Variants in MICU3 observed in about 807,000 individuals in gnomAD.
The protein encoded by MICU3 is mitochondrial calcium uptake 3.
In MICU3, 62 loss-of-function variants were observed where a neutral mutation model predicts 66.5. That is an observed-to-expected ratio of 0.93 (90% CI 0.76 to 1.15). The LOEUF is 1.15. MICU3 is among the 50% of genes most tolerant of loss of function. The pLI is 0.00. For missense variants in MICU3, 779 were observed against 664.4 expected (o/e 1.17, Z -1.90); for synonymous variants, 308 against 240.7 (o/e 1.28, Z -2.59).
intron 8 of MICU3, among the ~76,000 whole-genome samples, chr8:17,094,507 C>G (rs910496633): frequency 1.3e-5 from 2 of 151,950 alleles, no homozygotes; most frequent in African/African-American, 4.8e-5. Flanking sequence ...TTTTGCAGAT[C>G]TCTTTAATGT....
At chr8:17,108,276 C>G (rs1372713732) in intron 11 of MICU3, among the ~76,000 whole-genome samples, 1 of 152,088 alleles carries the variant, frequency 6.6e-6, no homozygotes, top group Non-Finnish European at 1.5e-5. Context: ...ATATGTGAAT[C>G]TAGCGGTCAA....
chr8:17,135,075 C>T, the MICU3 span, among the ~76,000 whole-genome samples: 1 of 152,106 alleles, frequency 6.6e-6, no homozygotes, highest in Non-Finnish European at 1.5e-5. Context: ...TATGGTCTTT[C>T]CTATAATATG....
At chr8:17,065,943 G>A (rs558522663) in intron 2 of MICU3, among the ~76,000 whole-genome samples, 9 of 152,110 alleles carry the variant, frequency 5.9e-5, no homozygotes, top group East Asian at 1.9e-4. Context: ...TGAGAGTAAC[G>A]TTTAAAGAAA....
chr8:17,082,911 A>G (rs146447464), intron 5 of MICU3, among the ~76,000 whole-genome samples: 119 of 152,218 alleles, frequency 7.8e-4, no homozygotes, highest in African/African-American at 2.7e-3. Context: ...TTCAAAAAAT[A>G]TTTTTTTCTC....
chr8:17,086,650 C>A (rs1799505055), intron 6 of MICU3, among the ~76,000 whole-genome samples: 1 of 152,034 alleles, frequency 6.6e-6, no homozygotes, highest in African/African-American at 2.4e-5. Flanking sequence ...AAGTTCCATC[C>A]CCCTGACTTA....
intron 1 of MICU3, among the ~76,000 whole-genome samples, chr8:17,039,300 T>C (rs1238246731): frequency 6.6e-6 from 1 of 152,246 alleles, no homozygotes; most frequent in African/African-American, 2.4e-5. Flanking sequence ...GGTGTGGAAC[T>C]GAACCTTCAG....
Position 17,027,375 on chromosome 8 carries a change from G to A in MICU3, c.96G>A (p.Ala32=), listed in dbSNP as rs1159948700. 2.0e-6 allele frequency: 3 copies of A among 1,491,892 alleles called. No homozygotes were observed. The Admixed American group carries it at 7.0e-5, about 35-fold the overall frequency. 92.4% of individuals were successfully genotyped at this position (1,491,892 alleles called of 1,614,324 possible). A position where few individuals can be genotyped will look rare whatever the true frequency, so the allele number is the denominator to read the frequency against. ...QPLLGPWGRP[A]VTTLGLPGRP... ...TCCTTGGGCCGTGGGGGCGGCCTGCGGTGACCACCCTGGGCCTTCCTGGCC... is the reference window on the plus strand; with the variant it reads ...TCCTTGGGCCGTGGGGGCGGCCTGCAGTGACCACCCTGGGCCTTCCTGGCC... Residue 32 remains alanine (A), a synonymous_variant, in exon 1 of 15, where the codon GCG becomes GCA. Transcript: ENST00000318063.
intron 1 of MICU3, among the ~76,000 whole-genome samples, chr8:17,057,479 A>T (rs1230382853): frequency 1.3e-5 from 2 of 152,224 alleles, no homozygotes; most frequent in Non-Finnish European, 2.9e-5. Context: ...AGTATTAATT[A>T]TATTTAATCT....
Position 17,027,570 on chromosome 8 carries a change from G to C in MICU3, c.291G>C (p.Gly97=), listed in dbSNP as rs1479469212. ...GDPRAGSPAT[G]RPSKSAATEP... ...CCAGGGCCGGCTCGCCGGCGACCGG[G>C]CGACCCTCAAAGAGCGCGGCCACGG... Residue 97 remains glycine, a synonymous_variant, in exon 1 of 15, where the codon GGG becomes GGC. Coordinates refer to ENST00000318063, the MANE Select transcript of MICU3 (RefSeq NM_181723.3). The C allele has an allele frequency of 7.8e-7, 1 of 1,281,868 alleles. No individual in the cohort carries two copies. The highest frequency in any genetic ancestry group is 9.8e-7 in the Non-Finnish European group (1 of 1,016,936). 79.4% of individuals were successfully genotyped at this position (1,281,868 alleles called of 1,614,324 possible).
chr8:17,041,271 T>C (rs1211567109), intron 1 of MICU3, among the ~76,000 whole-genome samples: 1 of 135,476 alleles, frequency 7.4e-6, no homozygotes, highest in Non-Finnish European at 1.6e-5. Flanking sequence ...CAAGACAGGT[T>C]AAAAAAAAAA....
At chr8:17,048,702 A>C (rs1319964371) in intron 1 of MICU3, among the ~76,000 whole-genome samples, 1 of 151,976 alleles carries the variant, frequency 6.6e-6, no homozygotes, top group Non-Finnish European at 1.5e-5. Context: ...TGCAGCCCCA[A>C]CCTCCTGGGC....
downstream of MICU3, among the ~76,000 whole-genome samples, chr8:17,123,526 T>G (rs1803318879): frequency 6.6e-6 from 1 of 152,176 alleles, no homozygotes; most frequent in East Asian, 1.9e-4. Flanking sequence ...ACCTTGCACA[T>G]TGAAAGGATA....
chr8:17,064,742 A>G (rs1818423783), intron 2 of MICU3, among the ~76,000 whole-genome samples: 1 of 152,230 alleles, frequency 6.6e-6, no homozygotes, highest in African/African-American at 2.4e-5. Context: ...AGACAGCTGT[A>G]TTCTCATGTG....
At chr8:17,049,524 A>C (rs922797009) in intron 1 of MICU3, 15 of 500,846 alleles carry the variant, frequency 3.0e-5, no homozygotes, top group Non-Finnish European at 5.2e-5. Context: ...TTATTTGTCC[A>C]TTTTATAGTT....
At chr8:17,101,866 C>T (rs1450787986) in intron 9 of MICU3, among the ~76,000 whole-genome samples, 6 of 151,746 alleles carry the variant, frequency 4.0e-5, no homozygotes, top group Non-Finnish European at 8.8e-5. Context: ...TTTTCAGTGT[C>T]CTGAAATATA....
intron 1 of MICU3, among the ~76,000 whole-genome samples, chr8:17,041,740 TAATCTTAGATAATAGG>T (rs1814140226): frequency 6.6e-6 from 1 of 152,158 alleles, no homozygotes; most frequent in Non-Finnish European, 1.5e-5. Flanking sequence ...GGAAAGAGTT[TAATCTTAGATAATAGG>T]AGGGATGCTG....
At chr8:17,137,829 G>A in the MICU3 span, among the ~76,000 whole-genome samples, 1 of 145,604 alleles carries the variant, frequency 6.9e-6, no homozygotes, top group Admixed American at 7.4e-5. Context: ...CAGTTCTCCT[G>A]CCTCAGCCTC....
chr8:17,078,004 A>G, intron 4 of MICU3, 143 bp downstream of exon 4: 2 of 436,008 alleles, frequency 4.6e-6, no homozygotes, highest in Non-Finnish European at 8.0e-6. Context: ...AAAACAGCAA[A>G]ATATTAACAT....
rs570551766 is a variant in MICU3 at position 17,081,905 on chromosome 8, GTCAAAAACATAAA to G, written c.694+167_694+179del. The G allele has an allele frequency of 4.2e-4, 198 of 476,310 alleles. 1 individual carries two copies. Among genetic ancestry groups the G allele is most frequent in the South Asian group, 4.1e-3 (195 of 47,012 alleles). 29.5% of individuals were successfully genotyped at this position (476,310 alleles called of 1,614,324 possible). ...AATGCTAAGCATAGCACTGTAAAGAGTCAAAAACATAAATGCTACAGCTTATGGTATAGTAATA... is the reference window on the plus strand; with the variant it reads ...AATGCTAAGCATAGCACTGTAAAGAGTGCTACAGCTTATGGTATAGTAATA... On this transcript the variant is annotated intron_variant, in intron 5 of 14. Transcript: ENST00000318063.
Sources: allele counts gnomAD v4.1 joint callset (sites outside exome capture counted in the v4.1 genomes callset), GRCh38; gene constraint gnomAD v4.1.1; transcripts MANE v1.5; gene names NCBI Gene and HGNC (gene_info 2026-07-23, HGNC 2026-07-21).